BRD3: variants seen among roughly 807,000 people sequenced by gnomAD.
BRD3 encodes the protein bromodomain containing 3.
BRD3 carries 17 observed loss-of-function variants against 66.8 expected under a neutral mutation model. The observed-to-expected ratio is 0.25, with a 90% CI of 0.17 to 0.38. BRD3 has a LOEUF of 0.38. Among genes scored for constraint, BRD3 ranks in the 10% least tolerant of loss-of-function variants. BRD3 has a pLI of 1.00. For missense variants in BRD3, 713 were observed against 956.1 expected (o/e 0.75, Z 3.35); for synonymous variants, 421 against 393.2 (o/e 1.07, Z -0.84).
rs201506493 is a variant in BRD3 at position 134,050,571 on chromosome 9, C to T, written c.517G>A (p.Ala173Thr). 20 of 1,606,480 alleles carry T rather than the reference C, an allele frequency of 1.2e-5. No individual in the cohort carries two copies. The highest frequency in any genetic ancestry group is 1.7e-5 in the Non-Finnish European group (20 of 1,178,244). Residue 173 changes from alanine to threonine, a missense_variant, in exon 5 of 12, where the codon GCC becomes ACC. Physicochemically the swap from Ala to Thr is moderately conservative, Grantham distance 58 (BLOSUM62 0). Transcript: ENST00000303407. ...AQSAGTQQVA[A>T]VSSVSPATPF... ...GTCGCTGGGGAGACAGAGGACACGG[C>T]CGCCACTTGCTGTGTACCTTCAAGA... is the stretch of plus-strand genomic sequence containing the variant.
rs919069901 is a variant in BRD3 at position 134,036,479 on chromosome 9, A to G, written c.1644-155T>C. The G allele has an allele frequency of 2.5e-6, 4 of 1,578,656 alleles. No individual in the cohort carries two copies. In the African/African-American group the frequency reaches 5.4e-5, roughly 21 times the overall value. On this transcript the variant is annotated intron_variant, in intron 9 of 11. Transcript: ENST00000303407. The stretch of plus-strand genomic sequence containing the variant: ...CCAAGGCAGAAAATCCAAGGTTAGA[A>G]AAGTCGCTCCCAGCTGCGGGGTTTC...
rs554547148 is a variant in BRD3 at position 134,031,610 on chromosome 9, C to G, written c.*1980G>C. ...GGCTGAAAACTCACCAAGTGTCAGACTCACCAGCAATTTAAAAAATGATAA... is the reference window on the plus strand; with the variant it reads ...GGCTGAAAACTCACCAAGTGTCAGAGTCACCAGCAATTTAAAAAATGATAA... On this transcript the variant is annotated 3_prime_UTR_variant, in exon 12 of 12. Transcript: ENST00000303407. 65 of 212,508 alleles carry G rather than the reference C, an allele frequency of 3.1e-4. 1 individual carries two copies. The South Asian group carries it at 7.5e-3, about 24-fold the overall frequency. 13.2% of individuals were successfully genotyped at this position (212,508 alleles called of 1,614,324 possible).
Position 134,051,719 on chromosome 9 carries a change from C to T in BRD3, c.352-10G>A. 1 of 1,590,242 alleles carries T rather than the reference C, an allele frequency of 6.3e-7. No individual in the cohort carries two copies. The highest frequency in any genetic ancestry group is 1.2e-5 in the South Asian group (1 of 86,134). On this transcript the variant is annotated splice_polypyrimidine_tract_variant and intron_variant, in intron 3 of 11. Coordinates refer to ENST00000303407, the MANE Select transcript of BRD3 (RefSeq NM_007371.4). ...CTATGTCATCTGTGGGCTGAAGACACAGAGAGTCCAGGTCACGTGTCAGGA... is the reference window on the plus strand; with the variant it reads ...CTATGTCATCTGTGGGCTGAAGACATAGAGAGTCCAGGTCACGTGTCAGGA...
At chr9:134,062,412 A>G (rs1027105254) in intron 1 of BRD3, among the ~76,000 whole-genome samples, 1 of 152,034 alleles carries the variant, frequency 6.6e-6, no homozygotes, top group Non-Finnish European at 1.5e-5. Flanking sequence ...CCTGCACCCC[A>G]CAGTTCTCCC....
At chr9:134,036,011 C>T (rs758136454) in intron 10 of BRD3, 21 bp downstream of exon 10, 17 of 1,570,074 alleles carry the variant, frequency 1.1e-5, no homozygotes, top group Middle Eastern at 1.7e-4. Flanking sequence ...TCAAGCACCA[C>T]GCTCCACGCA....
intron 7 of BRD3, among the ~76,000 whole-genome samples, chr9:134,044,532 G>C (rs1217335553): frequency 6.6e-6 from 1 of 152,168 alleles, no homozygotes; most frequent in Non-Finnish European, 1.5e-5. Flanking sequence ...CAAGTCCTTT[G>C]ATTAACATTT....
chr9:134,047,943 G>A, intron 6 of BRD3, 140 bp downstream of exon 6: 2 of 1,221,298 alleles, frequency 1.6e-6, no homozygotes, highest in East Asian at 2.8e-5. Flanking sequence ...GGCGCTGCGG[G>A]GGCCAGCCTG....
chr9:134,033,723 G>C lies in BRD3; in HGVS notation c.2066-18C>G. 1.4e-6 allele frequency: 1 copy of C among 715,272 alleles called. No homozygotes were observed. 44.3% of individuals were successfully genotyped at this position (715,272 alleles called of 1,614,324 possible). On this transcript the variant is annotated intron_variant, in intron 11 of 11. Coordinates refer to ENST00000303407, the MANE Select transcript of BRD3 (RefSeq NM_007371.4). This position sits in a 1 kb window ranked among gnomAD's most constrained non-coding sequence, Gnocchi z 5.1. ...GGGCTTCTCTGTGGAGACATGGGCA[G>C]GGAGATGCGCTCGCACACCCGCTTC...
intron 3 of BRD3, among the ~76,000 whole-genome samples, 162 bp from the exon 4 acceptor site, chr9:134,051,871 G>GTTTTTTTTTTT (rs1564555774): frequency 1.1e-4 from 12 of 110,540 alleles, no homozygotes; most frequent in African/African-American, 3.9e-4. Context: ...GTGTGTGTGT[G>GTTTTTTTTTTT]TGTGTGTTGT....
At chr9:134,044,441 A>G (rs1346065113) in intron 7 of BRD3, among the ~76,000 whole-genome samples, 2 of 152,190 alleles carry the variant, frequency 1.3e-5, no homozygotes, top group African/African-American at 4.8e-5. Context: ...ACATCTTAAC[A>G]TGACATTCTG....
chr9:134,060,313 C>T (rs1830510035), intron 1 of BRD3, among the ~76,000 whole-genome samples: 1 of 152,194 alleles, frequency 6.6e-6, no homozygotes, highest in African/African-American at 2.4e-5. Flanking sequence ...AAGAAAGACC[C>T]AGGCCATGCG....
At chr9:134,038,247 C>G (rs466681) in intron 9 of BRD3, among the ~76,000 whole-genome samples, 39,380 of 151,186 alleles carry the variant, frequency 0.26, 6,226 homozygotes, top group East Asian at 0.62. Flanking sequence ...CTCTACCTCC[C>G]GGGTTCAAGA....
chr9:134,040,077 T>C lies in BRD3; in HGVS notation c.1600A>G (p.Lys534Glu), dbSNP rs752973942. ...CTGTTGGCCTTCTTGGCAGGAGCCT[T>C]CTTCTGCTGAGCCTGCTTGGCAGGC... ...APPAKQAQQK[K>E]APAKKANSTT... is the part of the protein sequence containing the mutation. Residue 534 changes from lysine to glutamate, a missense_variant, in exon 9 of 12, where the codon AAG (lysine) becomes GAG (glutamate). Lys to Glu is a moderately conservative substitution (Grantham distance 56, BLOSUM62 1). This residue lies in a region of BRD3 where 418 missense variants were observed against 609.3 expected (regional missense o/e 0.69). Transcript: ENST00000303407. 6.9e-6 allele frequency: 11 copies of C among 1,592,356 alleles called. No individual in the cohort carries two copies. Among genetic ancestry groups the C allele is most frequent in the Admixed American group, 5.3e-5 (3 of 56,884 alleles).
In BRD3 at chr9:134,030,620, T is replaced by A. The variant is rs745379292; in HGVS notation, c.*2970A>T. ...CTTCCTGGAAGCATTATGCCAGTAT[T>A]AAGGAACAGTGCTACTCTGGATGTG... On this transcript the variant is annotated 3_prime_UTR_variant, in exon 12 of 12. Transcript: ENST00000303407. 3 of 227,242 alleles carry A rather than the reference T, an allele frequency of 1.3e-5. No homozygotes were observed. Among genetic ancestry groups the A allele is most frequent in the Non-Finnish European group, 2.6e-5 (3 of 114,400 alleles). The allele number at this position is 227,242 out of a possible 1,614,324, so 14.1% of individuals were successfully genotyped here.
At chr9:134,064,782 G>C (rs1471858422) in intron 1 of BRD3, among the ~76,000 whole-genome samples, 2 of 152,188 alleles carry the variant, frequency 1.3e-5, no homozygotes, top group African/African-American at 4.8e-5. Context: ...GGGAGGCCCG[G>C]GCACAGGGGC....
intron 3 of BRD3, among the ~76,000 whole-genome samples, 158 bp from the exon 4 acceptor site, chr9:134,051,867 GTGTGTGTGTGTTGTTTTTTTTGT>G (rs1405747237): frequency 1.8e-5 from 2 of 113,026 alleles, no homozygotes; most frequent in African/African-American, 8.2e-5. Context: ...GTGTGTGTGT[GTGTGTGTGTGTTGTTTTTTTTGT>G]TTTTTTTTTT....
In BRD3 at chr9:134,048,071, G is replaced by C; in HGVS notation, c.1086+12C>G. On this transcript the variant is annotated intron_variant, in intron 6 of 11. Transcript: ENST00000303407. ...ACATGGGCAGAGCAGGGCCTGCCGC[G>C]CGGCCACGTACTTTCACGGTGCTGA... The C allele has an allele frequency of 6.5e-7, 1 of 1,547,740 alleles. No homozygotes were observed. The highest frequency in any genetic ancestry group is 8.7e-7 in the Non-Finnish European group (1 of 1,145,024).
upstream of BRD3, chr9:134,068,466 C>T (rs899817190): frequency 4.7e-5 from 7 of 150,348 alleles, no homozygotes; most frequent in African/African-American, 1.7e-4. Flanking sequence ...CCCGGCCGCG[C>T]ACGGGCGGGG....
chr9:134,066,002 C>A (rs1723941764), intron 1 of BRD3, among the ~76,000 whole-genome samples: 1 of 152,210 alleles, frequency 6.6e-6, no homozygotes, highest in Non-Finnish European at 1.5e-5. Flanking sequence ...TCATTCAAAG[C>A]TCACTCACTT....
Sources: gnomAD v4.1 joint callset for allele counts (sites outside exome capture counted in the v4.1 genomes callset) on GRCh38, gnomAD v4.1.1 for gene constraint, gnomAD v4.1.1 regional missense constraint, Gnocchi (gnomAD v3.1) non-coding constraint, MANE v1.5 for transcripts, NCBI Gene and HGNC (gene_info 2026-07-23, HGNC 2026-07-21) for gene names.